The following ERBB4 variants were observed in gnomAD, a reference collection of about 807,000 sequenced individuals.
ERBB4 encodes the protein erb-b2 receptor tyrosine kinase 4, also known as receptor tyrosine-protein kinase erbB-4.
A neutral mutation model predicts 158.0 loss-of-function variants in ERBB4; 42 were observed. The ratio of observed to expected loss-of-function variants is 0.27; its 90% CI spans 0.21 to 0.34. ERBB4 has a LOEUF of 0.34. Ranked by LOEUF, ERBB4 falls within the 10% of genes least tolerant of loss-of-function variation. The pLI, the probability that ERBB4 is intolerant of heterozygous loss-of-function variation, is 1.00. For synonymous variants in ERBB4, 583 were observed against 558.7 expected, an observed-to-expected ratio of 1.04 and a Z score of -0.61; for missense variants, 1,333 against 1,624.1, an observed-to-expected ratio of 0.82 and a Z score of 3.08.
chr2:211,432,358 A>G (rs1161337379), intron 20 of ERBB4, among the ~76,000 whole-genome samples: 2 of 152,228 alleles, frequency 1.3e-5, no homozygotes, highest in Non-Finnish European at 2.9e-5. Context: ...AAACAGCATC[A>G]TGAGCCAAAC....
At chr2:212,083,210 C>T (rs2078498116) in intron 2 of ERBB4, among the ~76,000 whole-genome samples, 1 of 151,816 alleles carries the variant, frequency 6.6e-6, no homozygotes, top group African/African-American at 2.4e-5. Flanking sequence ...TAAAGGGATG[C>T]AGTAAAAGTA....
At chr2:212,158,190 A>G (rs1052419402) in intron 1 of ERBB4, among the ~76,000 whole-genome samples, 18 of 152,068 alleles carry the variant, frequency 1.2e-4, no homozygotes, top group Non-Finnish European at 5.9e-5. Context: ...CAACTTGCCC[A>G]AAGTCACATG....
chr2:212,472,674 C>T (rs985265081), intron 1 of ERBB4, among the ~76,000 whole-genome samples: 19 of 151,852 alleles, frequency 1.3e-4, no homozygotes, highest in African/African-American at 4.1e-4. Context: ...TGCTACTCTA[C>T]AACACTTTTT....
intron 12 of ERBB4, among the ~76,000 whole-genome samples, chr2:211,693,767 T>C (rs1281927937): frequency 6.6e-6 from 1 of 152,140 alleles, no homozygotes; most frequent in Non-Finnish European, 1.5e-5. Context: ...ACAACAGAAA[T>C]TTATTCTCTC....
chr2:211,384,149 C>A, intron 27 of ERBB4, 89 bp from the exon 28 acceptor site: 1 of 938,774 alleles, frequency 1.1e-6, no homozygotes, highest in Admixed American at 2.2e-5. Flanking sequence ...GCTTCTTTGT[C>A]TAGAACAAAA....
At position 211,618,146 on chromosome 2, in the gene ERBB4, A is replaced by G. The variant is rs898677297; in HGVS notation, c.2301+1031T>C. ...ATTTGAATTAAAAAAATAAATGTCA[A>G]GGGGTAATTACTTGACTCAGGTAGG... is the stretch of plus-strand genomic sequence containing the variant. On this transcript the variant is annotated intron_variant, in intron 19 of 27. Coordinates refer to ENST00000342788, the MANE Select transcript of ERBB4 (RefSeq NM_005235.3). 4.6e-5 allele frequency among the ~76,000 whole-genome samples: 7 copies of G among 152,012 alleles called. 1 individual carries two copies. The highest frequency in any genetic ancestry group is 1.7e-4 in the African/African-American group (7 of 41,422).
Position 211,530,195 on chromosome 2 carries a change from A to G in ERBB4, c.2487+31708T>C, listed in dbSNP as rs558121368. ...AGATATAGAAATCATTAGCATTTCT[A>G]TATGCCATCAGCAAACAATCTGAAG... On this transcript the variant is annotated intron_variant, in intron 20 of 27. Coordinates refer to ENST00000342788, the MANE Select transcript of ERBB4 (RefSeq NM_005235.3). 4.6e-4 allele frequency among the ~76,000 whole-genome samples: 70 copies of G among 152,280 alleles called. 1 individual carries two copies. In the South Asian group the frequency reaches 7.5e-3, roughly 16 times the overall value.
rs1045807857 is a variant in ERBB4 at position 212,071,711 on chromosome 2, G to T, written c.234+53041C>A. 2.0e-5 allele frequency among the ~76,000 whole-genome samples: 3 copies of T among 151,928 alleles called. No individual in the cohort carries two copies. The East Asian group carries it at 5.8e-4, about 29-fold the overall frequency. On this transcript the variant is annotated intron_variant, in intron 2 of 27. Transcript: ENST00000342788. ...TTGGTTTTTGTCATGACAGCAGTTT[G>T]CAGTTGTTATAAAGCTATTACGATG...
chr2:211,718,494 C>CA (rs963285466), intron 7 of ERBB4, among the ~76,000 whole-genome samples: 22 of 152,126 alleles, frequency 1.4e-4, no homozygotes, highest in Middle Eastern at 3.4e-3. Flanking sequence ...TTTATGATTC[C>CA]ATATATCTTA....
rs562796322 is a variant in ERBB4, at chr2:211,653,920, C to T, written c.1946+3834G>A. Among the ~76,000 whole-genome samples the T allele has an allele frequency of 1.1e-4, 16 of 152,104 alleles. No individual in the cohort carries two copies. The East Asian group carries it at 2.3e-3, about 22-fold the overall frequency. ...CGTTCGCCTGACCTTGTGATCTGCC[C>T]GCCTCGGCCTCCCAAAGTGCTGGGA... On this transcript the variant is annotated intron_variant, in intron 16 of 27. Transcript: ENST00000342788.
At chr2:212,108,175 T>C (rs2079288618) in intron 2 of ERBB4, among the ~76,000 whole-genome samples, 1 of 152,100 alleles carries the variant, frequency 6.6e-6, no homozygotes, top group Admixed American at 6.6e-5. Flanking sequence ...TATGCACACT[T>C]TAGGCAGGAA....
intron 1 of ERBB4, among the ~76,000 whole-genome samples, chr2:212,532,840 A>C (rs1323751946): frequency 6.6e-6 from 1 of 152,204 alleles, no homozygotes; most frequent in Non-Finnish European, 1.5e-5. Context: ...AATGGAAATA[A>C]CTCTAAAACA....
chr2:211,860,935 TTATATATATTTTATATATATATA>T lies in ERBB4; in HGVS notation c.422-72799_422-72777del, dbSNP rs1283623485. Among the ~76,000 whole-genome samples the T allele has an allele frequency of 3.1e-4, 38 of 122,034 alleles. 1 individual carries two copies. The highest frequency in any genetic ancestry group is 9.5e-4 in the South Asian group (4 of 4,198). The allele number at this position is 122,034 out of a possible 152,430, so 80.1% of individuals were successfully genotyped here. A position where few individuals can be genotyped will look rare whatever the true frequency, so the allele number is the denominator to read the frequency against. ...GAAAAAACAAAGACAATATATTACA[TTATATATATTTTATATATATATA>T]AATATATAAATATATTTAAATATAT... On this transcript the variant is annotated intron_variant, in intron 3 of 27. Coordinates refer to ENST00000342788, the MANE Select transcript of ERBB4 (RefSeq NM_005235.3).
At chr2:211,967,447 A>C (rs1048268166) in intron 2 of ERBB4, among the ~76,000 whole-genome samples, 5 of 152,054 alleles carry the variant, frequency 3.3e-5, no homozygotes, top group East Asian at 1.9e-4. Flanking sequence ...ATCAGAGAAA[A>C]CTTAGGTATT....
At chr2:211,812,342 C>G (rs112425750) in intron 3 of ERBB4, among the ~76,000 whole-genome samples, 3 of 152,196 alleles carry the variant, frequency 2.0e-5, no homozygotes, top group African/African-American at 4.8e-5. Context: ...CTGGGTATCA[C>G]CAGCGGAGGC....
chr2:211,990,737 C>T (rs947546314), intron 2 of ERBB4, among the ~76,000 whole-genome samples: 3 of 151,620 alleles, frequency 2.0e-5, no homozygotes, highest in Non-Finnish European at 2.9e-5. Context: ...ATGGTATCCT[C>T]GACCAGCATC....
chr2:212,483,551 A>G (rs1242124296), intron 1 of ERBB4, among the ~76,000 whole-genome samples: 2 of 152,198 alleles, frequency 1.3e-5, no homozygotes, highest in Admixed American at 6.5e-5. Flanking sequence ...CCAATAGCCA[A>G]TGCTCCACAT....
chr2:211,600,781 T>C (rs1022061157), intron 19 of ERBB4, among the ~76,000 whole-genome samples: 1 of 152,138 alleles, frequency 6.6e-6, no homozygotes, highest in African/African-American at 2.4e-5. Context: ...TGGTTTTTTT[T>C]GAATGTCCAC....
At chr2:212,322,441 T>A (rs942044007) in intron 1 of ERBB4, among the ~76,000 whole-genome samples, 1 of 149,928 alleles carries the variant, frequency 6.7e-6, no homozygotes, top group Non-Finnish European at 1.5e-5. Context: ...TAAAAAAAAA[T>A]CCACTATTTT....
Sources: allele counts gnomAD v4.1 joint callset (sites outside exome capture counted in the v4.1 genomes callset), GRCh38; gene constraint gnomAD v4.1.1; transcripts MANE v1.5; gene names NCBI Gene and HGNC (gene_info 2026-07-23, HGNC 2026-07-21).